The following SYN3 variants were observed in gnomAD, a reference collection of about 807,000 sequenced individuals.
SYN3 encodes synapsin-3.
In SYN3, 35 loss-of-function variants were observed where a neutral mutation model predicts 65.8. That is an observed-to-expected ratio of 0.53 (90% CI 0.41 to 0.70). The LOEUF (loss-of-function observed/expected upper bound fraction) is 0.70, where lower values mean the gene tolerates loss of function less well. Ranked by LOEUF, SYN3 falls within the 30% of genes least tolerant of loss-of-function variation. SYN3 has a pLI of 0.00. For synonymous variants in SYN3, 270 were observed against 292.9 expected (o/e 0.92, Z 0.80); for missense variants, 680 against 749.0 (o/e 0.91, Z 1.08).
chr22:32,867,571 T>C (rs5749531), intron 5 of SYN3, among the ~76,000 whole-genome samples: 41,749 of 152,078 alleles, frequency 0.27, 5,946 homozygotes, highest in African/African-American at 0.33. Flanking sequence ...TGAGAGTACT[T>C]GAGCGAGTGG....
At chr22:32,563,964 C>T (rs2710387) in intron 7 of SYN3, among the ~76,000 whole-genome samples, 2,348 of 152,252 alleles carry the variant, frequency 0.015, 60 homozygotes, top group African/African-American at 0.053. Flanking sequence ...CCACTGCGCC[C>T]GGCCCCTGTT....
intron 2 of SYN3, among the ~76,000 whole-genome samples, chr22:32,994,709 C>G (rs2052828318): frequency 6.6e-6 from 1 of 152,140 alleles, no homozygotes; most frequent in South Asian, 2.1e-4. Context: ...GGAGGGACTG[C>G]CAGCCCGCCA....
intron 6 of SYN3, among the ~76,000 whole-genome samples, chr22:32,723,074 G>C (rs1197762224): frequency 6.6e-6 from 1 of 152,176 alleles, no homozygotes; most frequent in Non-Finnish European, 1.5e-5. Flanking sequence ...AGGTCACGCA[G>C]ATGATGAATC....
chr22:32,716,362 C>T (rs1038261060), intron 6 of SYN3, among the ~76,000 whole-genome samples: 2 of 151,944 alleles, frequency 1.3e-5, no homozygotes, highest in Non-Finnish European at 2.9e-5. Flanking sequence ...CCACTGAGAA[C>T]TTCAGTTTAA....
chr22:32,746,555 T>A (rs2044938476), intron 6 of SYN3, among the ~76,000 whole-genome samples: 1 of 152,206 alleles, frequency 6.6e-6, no homozygotes, highest in Non-Finnish European at 1.5e-5. Context: ...CATATTTGGA[T>A]GTGACTGGGT....
At chr22:32,785,888 A>G (rs2145854077) in intron 6 of SYN3, among the ~76,000 whole-genome samples, 1 of 152,234 alleles carries the variant, frequency 6.6e-6, no homozygotes, top group Middle Eastern at 3.4e-3. Flanking sequence ...GGCCTGGTGT[A>G]GGGGCTCAGT....
At chr22:32,698,405 T>C (rs1247550031) in intron 6 of SYN3, among the ~76,000 whole-genome samples, 2 of 152,206 alleles carry the variant, frequency 1.3e-5, no homozygotes, top group African/African-American at 4.8e-5. Context: ...CCAACTTATA[T>C]CCACTCTATT....
chr22:32,869,935 G>A (rs1543803), intron 4 of SYN3, among the ~76,000 whole-genome samples: 1 of 151,796 alleles, frequency 6.6e-6, no homozygotes, highest in Non-Finnish European at 1.5e-5. Flanking sequence ...GAGCCGCATT[G>A]GAACTCAGGT....
chr22:32,527,869 C>T, intron 12 of SYN3, 49 bp downstream of exon 12: 2 of 1,496,582 alleles, frequency 1.3e-6, no homozygotes, highest in Non-Finnish European at 1.8e-6. Flanking sequence ...CGGTGCATTT[C>T]AGCACCCTCA....
intron 4 of SYN3, among the ~76,000 whole-genome samples, chr22:32,903,361 T>TA (rs1232052139): frequency 6.6e-6 from 1 of 152,206 alleles, no homozygotes; most frequent in Non-Finnish European, 1.5e-5. Flanking sequence ...TTCGTTTTTT[T>TA]AAAAAATACC....
At chr22:32,514,008 GT>G (rs2057729554) in intron 13 of SYN3, among the ~76,000 whole-genome samples, 184 bp from the exon 14 acceptor site, 1 of 152,178 alleles carries the variant, frequency 6.6e-6, no homozygotes, top group Non-Finnish European at 1.5e-5. Flanking sequence ...TTGCAAGGTG[GT>G]TATTTTCCCC....
chr22:32,796,529 G>T (rs1270003697), intron 6 of SYN3, among the ~76,000 whole-genome samples: 1 of 152,146 alleles, frequency 6.6e-6, no homozygotes, highest in African/African-American at 2.4e-5. Flanking sequence ...CCCTGCTGGT[G>T]CCAGACACAG....
chr22:32,713,808 G>A (rs1171839568), intron 6 of SYN3, among the ~76,000 whole-genome samples: 2 of 149,184 alleles, frequency 1.3e-5, no homozygotes, highest in African/African-American at 5.0e-5. Context: ...TCCAGCCTAG[G>A]TGACAGAGCA....
chr22:32,575,385 A>T (rs2058836545), intron 7 of SYN3, among the ~76,000 whole-genome samples: 1 of 152,092 alleles, frequency 6.6e-6, no homozygotes, highest in Non-Finnish European at 1.5e-5. Flanking sequence ...GAGAAGGACC[A>T]TGACAGACGT....
Position 32,517,203 on chromosome 22 carries a change from T to C in SYN3, c.1610+840A>G, listed in dbSNP as rs191374036. On this transcript the variant is annotated intron_variant, in intron 13 of 13. Transcript: ENST00000358763. ...TGAATGTGGGTTTGGCCCTGTGACT[T>C]GCTTTGACTAAAAGCGTGTGATAAA... 1.2e-4 allele frequency among the ~76,000 whole-genome samples: 18 copies of C among 152,356 alleles called. No individual in the cohort carries two copies. In the East Asian group the frequency reaches 3.5e-3, roughly 29 times the overall value.
intron 7 of SYN3, among the ~76,000 whole-genome samples, chr22:32,577,538 A>G (rs1001607820): frequency 2.6e-5 from 4 of 152,196 alleles, no homozygotes; most frequent in African/African-American, 9.7e-5. Context: ...ATAAATGAAA[A>G]TATCATTGGA....
chr22:32,912,985 G>A (rs1299581778), intron 4 of SYN3, among the ~76,000 whole-genome samples: 1 of 152,070 alleles, frequency 6.6e-6, no homozygotes, highest in Non-Finnish European at 1.5e-5. Flanking sequence ...GTGTCAACTA[G>A]GGACTTTGGA....
At chr22:32,828,983 T>C (rs1171140321) in intron 6 of SYN3, among the ~76,000 whole-genome samples, 2 of 152,132 alleles carry the variant, frequency 1.3e-5, no homozygotes, top group Non-Finnish European at 2.9e-5. Flanking sequence ...ACCTCCCCAC[T>C]GCCCCAGGAG....
intron 1 of SYN3, among the ~76,000 whole-genome samples, chr22:33,018,239 G>T (rs538619336): frequency 1.1e-4 from 16 of 152,156 alleles, no homozygotes; most frequent in Non-Finnish European, 2.1e-4. Flanking sequence ...AATTTTCAAG[G>T]TCTTTTCCTC....
Sources: gnomAD v4.1 joint callset for allele counts (sites outside exome capture counted in the v4.1 genomes callset) on GRCh38, gnomAD v4.1.1 for gene constraint, MANE v1.5 for transcripts, NCBI Gene and HGNC (gene_info 2026-07-23, HGNC 2026-07-21) for gene names.